Variants in MID2 observed in about 807,000 individuals in gnomAD.
The protein encoded by MID2 is probable E3 ubiquitin-protein ligase MID2.
In MID2, 13 loss-of-function variants were observed where a neutral mutation model predicts 46.1. That is an observed-to-expected ratio of 0.28 (90% CI 0.18 to 0.45). MID2 has a LOEUF of 0.45. Ranked by LOEUF, MID2 falls within the 20% of genes least tolerant of loss-of-function variation. The pLI is 1.00. For missense variants in MID2, 431 were observed against 575.4 expected (o/e 0.75, Z 2.57); for synonymous variants, 199 against 212.3 (o/e 0.94, Z 0.55).
At chrX:107,889,851 A>G (rs1454621669) in intron 3 of MID2, among the ~76,000 whole-genome samples, 1 of 109,966 alleles carries the variant, frequency 9.1e-6, no homozygotes, top group East Asian at 2.8e-4. Context: ...TTCTCTTCTC[A>G]CTTCATTTCA....
At chrX:107,829,188 C>T (rs1188486680) in intron 1 of MID2, among the ~76,000 whole-genome samples, 1 of 112,221 alleles carries the variant, frequency 8.9e-6, no homozygotes, top group Non-Finnish European at 1.9e-5. Context: ...TTATACTTTT[C>T]AAAGAAAGCA....
At chrX:107,912,961 A>T (rs944695756) in intron 5 of MID2, among the ~76,000 whole-genome samples, 5 of 110,639 alleles carry the variant, frequency 4.5e-5, no homozygotes, top group Non-Finnish European at 7.6e-5. Context: ...CTTACAAATG[A>T]CACCTTATAT....
Position 107,917,626 on chromosome X carries a change from T to A in MID2, c.1322T>A (p.Phe441Tyr). ...ISSYELQYTI[F>Y]TGQANFISKS... ...TCCTATGAGCTTCAGTACACCATAT[T>A]CACTGGCCAGGCTAACTTCATCAGT... Residue 441 changes from phenylalanine to tyrosine, a missense_variant, in exon 7 of 10, where the codon TTC (phenylalanine) becomes TAC (tyrosine). Physicochemically the swap from Phe to Tyr is conservative, Grantham distance 22. Coordinates refer to ENST00000262843, the MANE Select transcript of MID2 (RefSeq NM_012216.4). 1 of 1,211,681 alleles carries A rather than the reference T, an allele frequency of 8.3e-7. No homozygotes were observed. The highest frequency in any genetic ancestry group is 1.1e-6 in the Non-Finnish European group (1 of 895,398).
chrX:107,879,013 G>A (rs1314474530), intron 3 of MID2, among the ~76,000 whole-genome samples: 1 of 111,188 alleles, frequency 9.0e-6, no homozygotes, highest in African/African-American at 3.3e-5. Flanking sequence ...ATCACAGGAC[G>A]GGGAGTGCAG....
chrX:107,894,864 T>TGTGTGAGAGA (rs762096346), intron 3 of MID2: 2 of 26,095 alleles, frequency 7.7e-5, no homozygotes, highest in Non-Finnish European at 8.4e-5. Flanking sequence ...TGTGTGTGTG[T>TGTGTGAGAGA]GAAAGAGAGA....
intron 3 of MID2, among the ~76,000 whole-genome samples, chrX:107,887,010 A>G (rs1287203439): frequency 2.7e-5 from 3 of 112,070 alleles, no homozygotes; most frequent in South Asian, 3.7e-4. Context: ...TTATCAGCCT[A>G]AGGAGATTTT....
At chrX:107,920,421 ATTACT>A (rs1271321680) in intron 7 of MID2, among the ~76,000 whole-genome samples, 3 of 112,162 alleles carry the variant, frequency 2.7e-5, no homozygotes, top group African/African-American at 9.7e-5. Context: ...TTGTCTTCTG[ATTACT>A]TTATTATCTT....
chrX:107,826,516 G>C (rs1930950205), intron 1 of MID2, 86 bp downstream of exon 1: 4 of 1,031,741 alleles, frequency 3.9e-6, no homozygotes, highest in Non-Finnish European at 5.1e-6. Context: ...CGCTTTTCAG[G>C]TGCCGCCGGG....
rs2147817426 is a variant in MID2 at position 107,825,890 on chromosome X, TA to T, written c.-534del. 1 of 257,983 alleles carries T rather than the reference TA, an allele frequency of 3.9e-6. No individual in the cohort carries two copies. Among genetic ancestry groups the T allele is most frequent in the East Asian group, 5.6e-5 (1 of 17,824 alleles). The allele number at this position is 257,983 out of a possible 1,213,427, so 21.3% of individuals were successfully genotyped here. On this transcript the variant is annotated 5_prime_UTR_variant, in exon 1 of 10. Coordinates refer to ENST00000262843, the MANE Select transcript of MID2 (RefSeq NM_012216.4). ...CACTCCTGCCAGGGGAGAAGACATG[TA>T]AACGTGCCTCCAGAGGAAGGGCTGG...
intron 2 of MID2, among the ~76,000 whole-genome samples, chrX:107,846,215 T>C (rs1372836013): frequency 9.0e-6 from 1 of 111,480 alleles, no homozygotes; most frequent in East Asian, 2.8e-4. Flanking sequence ...ATCAAACATA[T>C]GCATGATAAG....
At chrX:107,920,908 G>A (rs1933059173) in intron 7 of MID2, among the ~76,000 whole-genome samples, 1 of 111,621 alleles carries the variant, frequency 9.0e-6, no homozygotes, top group African/African-American at 3.3e-5. Flanking sequence ...TTTCACCTCT[G>A]AATTCTTCAG....
intron 7 of MID2, among the ~76,000 whole-genome samples, chrX:107,921,227 TATTATACTTC>T (rs1933064504): frequency 9.0e-6 from 1 of 111,703 alleles, no homozygotes; most frequent in Admixed American, 9.5e-5. Context: ...TTTATGTCTT[TATTATACTTC>T]ATTATACTGT....
Position 107,840,959 on chromosome X carries a change from T to C in MID2, c.294T>C (p.Thr98=), listed in dbSNP as rs1372746119. The part of the protein sequence containing the change: ...RGLDGLKRNV[T]LQNIIDRFQK... ...TGGATGGCCTCAAGAGGAATGTGAC[T>C]CTGCAGAACATTATTGATCGCTTCC... Residue 98 remains threonine, a synonymous_variant, in exon 2 of 10, where the codon ACT becomes ACC. Coordinates refer to ENST00000262843, the MANE Select transcript of MID2 (RefSeq NM_012216.4). 9.9e-6 allele frequency: 12 copies of C among 1,209,693 alleles called. No individual in the cohort carries two copies. The highest frequency in any genetic ancestry group is 1.8e-5 in the African/African-American group (1 of 56,976).
chrX:107,843,085 G>A (rs746927901), intron 2 of MID2, among the ~76,000 whole-genome samples: 1 of 112,110 alleles, frequency 8.9e-6, no homozygotes, highest in Non-Finnish European at 1.9e-5. Flanking sequence ...ATGACATCAA[G>A]GAAGGGACAG....
chrX:107,911,962 A>G (rs988620682), intron 5 of MID2, among the ~76,000 whole-genome samples: 3 of 111,820 alleles, frequency 2.7e-5, no homozygotes, highest in African/African-American at 9.8e-5. Context: ...TGCTTTTAGT[A>G]TAATGTCAAA....
chrX:107,859,163 A>G (rs1931803913), intron 3 of MID2, among the ~76,000 whole-genome samples: 2 of 111,859 alleles, frequency 1.8e-5, no homozygotes, highest in African/African-American at 6.5e-5. Flanking sequence ...AGTCTATGTA[A>G]TAGATGTCTG....
intron 3 of MID2, among the ~76,000 whole-genome samples, chrX:107,867,317 AT>A (rs1262960692): frequency 0.13 from 12,564 of 94,245 alleles, 2,052 homozygotes; most frequent in African/African-American, 0.44. Context: ...CGCCCAGCTA[AT>A]TTTTTTTTTT....
At chrX:107,896,085 C>T (rs758969536) in intron 3 of MID2, 1 of 112,366 alleles carries the variant, frequency 8.9e-6, no homozygotes, top group Non-Finnish European at 1.9e-5. Context: ...GTGGCTTACA[C>T]CTGTAATCCT....
chrX:107,914,378 C>T (rs763133038), intron 5 of MID2, among the ~76,000 whole-genome samples: 1 of 112,499 alleles, frequency 8.9e-6, no homozygotes, highest in African/African-American at 3.2e-5. Context: ...CAAATCCTGG[C>T]TATTCATGTG....
Sources: gnomAD v4.1 joint callset for allele counts (sites outside exome capture counted in the v4.1 genomes callset) on GRCh38, gnomAD v4.1.1 for gene constraint, MANE v1.5 for transcripts, NCBI Gene and HGNC (gene_info 2026-07-23, HGNC 2026-07-21) for gene names.